PF4V1: variants seen among roughly 807,000 people sequenced by gnomAD.
PF4V1 encodes the protein platelet factor 4 variant.
PF4V1 carries 4 observed loss-of-function variants against 6.9 expected under a neutral mutation model. The ratio of observed to expected loss-of-function variants is 0.58; its 90% CI spans 0.29 to 1.34. The LOEUF (loss-of-function observed/expected upper bound fraction) is 1.34, where lower values mean the gene tolerates loss of function less well. Among genes scored for constraint, PF4V1 ranks in the 40% most tolerant of loss-of-function variants. PF4V1 has a pLI of 0.09. For missense variants in PF4V1, 127 were observed against 128.6 expected, an observed-to-expected ratio of 0.99 and a Z score of 0.06; for synonymous variants, 68 against 55.9, an observed-to-expected ratio of 1.22 and a Z score of -0.97.
Position 73,853,424 on chromosome 4 carries a change from C to G in PF4V1, c.62C>G (p.Ala21Gly), listed in dbSNP as rs768697609. Residue 21 changes from alanine to glycine, a missense_variant, in exon 1 of 3, where the codon GCG becomes GGG. Coordinates refer to ENST00000226524, the MANE Select transcript of PF4V1 (RefSeq NM_002620.4). ...ACCCGCCAGGAGATGCTGTTCTTGG[C>G]GTTGCTGCTCCTGCCAGTTGTGGTC... The part of the protein sequence containing the change: ...RATRQEMLFL[A>G]LLLLPVVVAF... 4 of 1,614,108 alleles carry G rather than the reference C, an allele frequency of 2.5e-6. No individual in the cohort carries two copies. The highest frequency in any genetic ancestry group is 3.4e-6 in the Non-Finnish European group (4 of 1,179,988).
chr4:73,854,117 A>G lies in PF4V1; in HGVS notation c.310A>G (p.Ser104Gly). The change falls in exon 3 of 3, where the codon AGT becomes GGT. Residue 104 changes from serine (S) to glycine (G), a missense_variant. Physicochemically the swap from Ser to Gly is moderately conservative, Grantham distance 56 (BLOSUM62 0). Transcript: ENST00000226524. ...GAAAATCATTAAGGAACATTTGGAG[A>G]GTTAGCTACTAGCTGCCTAAGTGTG... ...YKKIIKEHLE[S>G] 6.2e-7 allele frequency: 1 copy of G among 1,611,884 alleles called. No individual in the cohort carries two copies. The highest frequency in any genetic ancestry group is 8.5e-7 in the Non-Finnish European group (1 of 1,177,914).
rs1387113960 is a variant in PF4V1, at chr4:73,853,348, A to ATCC, written c.-15_-14insTCC. 4 of 1,610,846 alleles carry ATCC rather than the reference A, an allele frequency of 2.5e-6. No homozygotes were observed. The African/African-American group carries it at 5.3e-5, about 22-fold the overall frequency. ...TCCCTGCGCACTGGGATCCTGCTGG[A>ATCC]ACCTCAGCTGCAACATGAGCTCCGC... On this transcript the variant is annotated 5_prime_UTR_variant, in exon 1 of 3. Transcript: ENST00000226524.
At position 73,854,287 on chromosome 4, in the gene PF4V1, A is replaced by G. The variant is rs1731495396; in HGVS notation, c.*165A>G. On this transcript the variant is annotated 3_prime_UTR_variant, in exon 3 of 3. Coordinates refer to ENST00000226524, the MANE Select transcript of PF4V1 (RefSeq NM_002620.4). The stretch of plus-strand genomic sequence containing the variant: ...TAATGCTGACACATCACAATTTCAT[A>G]TTTTAAAATTTCCAGAATTTTAAGC... The G allele has an allele frequency of 1.7e-6, 1 of 591,802 alleles. No individual in the cohort carries two copies. Among genetic ancestry groups the G allele is most frequent in the Admixed American group, 3.1e-5 (1 of 32,074 alleles). 36.7% of individuals were successfully genotyped at this position (591,802 alleles called of 1,614,324 possible).
chr4:73,853,863 C>G lies in PF4V1; in HGVS notation c.181C>G (p.Leu61Val). ...GGTCCGTCCCAGGCACATCACCAGC[C>G]TGGAGGTGATCAAGGCCGGACCCCA... The part of the protein sequence containing the change: ...SQVRPRHITS[L>V]EVIKAGPHCP... The change falls in exon 2 of 3, where the codon CTG becomes GTG. Residue 61 changes from leucine (L) to valine (V), a missense_variant. By Grantham distance (32) the Leu-to-Val change is conservative (BLOSUM62 1). Coordinates refer to ENST00000226524, the MANE Select transcript of PF4V1 (RefSeq NM_002620.4). The G allele has an allele frequency of 6.2e-7, 1 of 1,613,088 alleles. No individual in the cohort carries two copies. Among genetic ancestry groups the G allele is most frequent in the Non-Finnish European group, 8.5e-7 (1 of 1,179,794 alleles).
intron 2 of PF4V1, 55 bp from the exon 3 acceptor site, chr4:73,853,980 T>G: frequency 1.2e-6 from 2 of 1,610,576 alleles, no homozygotes; most frequent in Non-Finnish European, 1.7e-6. Flanking sequence ...CCCCTTCTAA[T>G]GCCATTTGCA....
At position 73,853,329 on chromosome 4, in the gene PF4V1, C is replaced by G. The variant is rs1731464988; in HGVS notation, c.-34C>G. 1 of 1,571,878 alleles carries G rather than the reference C, an allele frequency of 6.4e-7. No individual in the cohort carries two copies. On this transcript the variant is annotated 5_prime_UTR_variant, in exon 1 of 3. Coordinates refer to ENST00000226524, the MANE Select transcript of PF4V1 (RefSeq NM_002620.4). Reference sequence around the variant, plus strand: ...CAGAACCCCAGCCCGACTTTCCCTGCGCACTGGGATCCTGCTGGAACCTCA... The same window carrying G: ...CAGAACCCCAGCCCGACTTTCCCTGGGCACTGGGATCCTGCTGGAACCTCA...
rs921666252 is a variant in PF4V1 at position 73,854,130 on chromosome 4, C to T, written c.*8C>T. 1 of 1,598,050 alleles carries T rather than the reference C, an allele frequency of 6.3e-7. No individual in the cohort carries two copies. Among genetic ancestry groups the T allele is most frequent in the African/African-American group, 1.3e-5 (1 of 74,594 alleles). ...GAACATTTGGAGAGTTAGCTACTAG[C>T]TGCCTAAGTGTGCACTTTCAATCTA... On this transcript the variant is annotated 3_prime_UTR_variant, in exon 3 of 3. Coordinates refer to ENST00000226524, the MANE Select transcript of PF4V1 (RefSeq NM_002620.4).
intron 1 of PF4V1, 139 bp from the exon 2 acceptor site, chr4:73,853,644 T>G: frequency 7.5e-7 from 1 of 1,328,666 alleles, no homozygotes; most frequent in Non-Finnish European, 1.0e-6. Context: ...GCACAACCTC[T>G]GTCTGAGAGA....
intron 2 of PF4V1, 22 bp downstream of exon 2, chr4:73,853,931 G>A (rs1259011842): frequency 6.2e-7 from 1 of 1,601,268 alleles, no homozygotes; most frequent in Non-Finnish European, 8.5e-7. Flanking sequence ...CACTGCATCA[G>A]TTAGTGCTCC....
rs769247050 is a variant in PF4V1 at position 73,853,404 on chromosome 4, C to T, written c.42C>T (p.Arg14=). 3.1e-6 allele frequency: 5 copies of T among 1,614,172 alleles called. No homozygotes were observed. The highest frequency in any genetic ancestry group is 1.7e-4 in the Middle Eastern group (1 of 6,052). Residue 14 remains arginine, a synonymous_variant, in exon 1 of 3, where the codon CGC becomes CGT. Coordinates refer to ENST00000226524, the MANE Select transcript of PF4V1 (RefSeq NM_002620.4). ...GGTCCCGCCTCACCCGCGCCACCCG[C>T]CAGGAGATGCTGTTCTTGGCGTTGC... The part of the protein sequence containing the change: ...AARSRLTRAT[R]QEMLFLALLL...
Position 73,854,130 on chromosome 4 carries a change from C to CTGCCT in PF4V1, c.*9_*13dup. 1 of 1,598,168 alleles carries CTGCCT rather than the reference C, an allele frequency of 6.3e-7. No individual in the cohort carries two copies. The highest frequency in any genetic ancestry group is 1.3e-5 in the African/African-American group (1 of 74,716). ...GAACATTTGGAGAGTTAGCTACTAG[C>CTGCCT]TGCCTAAGTGTGCACTTTCAATCTA... On this transcript the variant is annotated 3_prime_UTR_variant, in exon 3 of 3. Coordinates refer to ENST00000226524, the MANE Select transcript of PF4V1 (RefSeq NM_002620.4).
At position 73,853,332 on chromosome 4, in the gene PF4V1, ACT is replaced by A; in HGVS notation, c.-30_-29del. 6.3e-7 allele frequency: 1 copy of A among 1,581,916 alleles called. No individual in the cohort carries two copies. Among genetic ancestry groups the A allele is most frequent in the Non-Finnish European group, 8.7e-7 (1 of 1,150,840 alleles). ...AACCCCAGCCCGACTTTCCCTGCGC[ACT>A]GGGATCCTGCTGGAACCTCAGCTGC... is the stretch of plus-strand genomic sequence containing the variant. On this transcript the variant is annotated 5_prime_UTR_variant, in exon 1 of 3. Transcript: ENST00000226524.
chr4:73,853,452 C>T lies in PF4V1; in HGVS notation c.90C>T (p.Ala30=), dbSNP rs1305700870. The stretch of plus-strand genomic sequence containing the variant: ...TGCTGCTCCTGCCAGTTGTGGTCGC[C>T]TTCGCCAGAGGTGAGAGCAGAAACC... ...LALLLLPVVV[A]FARAEAEEDG... is the part of the protein sequence containing the mutation. The change falls in exon 1 of 3, where the codon GCC becomes GCT. Residue 30 remains alanine (A), a synonymous_variant. Coordinates refer to ENST00000226524, the MANE Select transcript of PF4V1 (RefSeq NM_002620.4). 1.9e-6 allele frequency: 3 copies of T among 1,613,054 alleles called. No individual in the cohort carries two copies. Among genetic ancestry groups the T allele is most frequent in the East Asian group, 2.2e-5 (1 of 44,838 alleles).
At position 73,853,425 on chromosome 4, in the gene PF4V1, G is replaced by T. The variant is rs996437610; in HGVS notation, c.63G>T (p.Ala21=). The change falls in exon 1 of 3, where the codon GCG becomes GCT. Residue 21 remains alanine (A), a synonymous_variant. Transcript: ENST00000226524. The part of the protein sequence containing the change: ...RATRQEMLFL[A]LLLLPVVVAF... ...CCCGCCAGGAGATGCTGTTCTTGGC[G>T]TTGCTGCTCCTGCCAGTTGTGGTCG... The T allele has an allele frequency of 1.2e-6, 2 of 1,614,148 alleles. No homozygotes were observed. Among genetic ancestry groups the T allele is most frequent in the Non-Finnish European group, 1.7e-6 (2 of 1,180,014 alleles).
Position 73,854,239 on chromosome 4 carries a change from A to C in PF4V1, c.*117A>C. 1 of 693,486 alleles carries C rather than the reference A, an allele frequency of 1.4e-6. No individual in the cohort carries two copies. Among genetic ancestry groups the C allele is most frequent in the Non-Finnish European group, 2.4e-6 (1 of 424,288 alleles). 43.0% of individuals were successfully genotyped at this position (693,486 alleles called of 1,614,324 possible). A position where few individuals can be genotyped will look rare whatever the true frequency, so the allele number is the denominator to read the frequency against. ...AATCAAGTTGTGGTATAGTCAATCT[A>C]TTTCTTAATAATACTGCAAAAATAA... On this transcript the variant is annotated 3_prime_UTR_variant, in exon 3 of 3. Transcript: ENST00000226524.
rs145723340 is a variant in PF4V1, at chr4:73,853,372, G to A, written c.10G>A (p.Ala4Thr). 2.5e-6 allele frequency: 4 copies of A among 1,613,724 alleles called. No individual in the cohort carries two copies. In the East Asian group the frequency reaches 6.7e-5, roughly 27 times the overall value. The change falls in exon 1 of 3, where the codon GCA (alanine) becomes ACA (threonine). Residue 4 changes from alanine (A) to threonine (T), a missense_variant. Ala to Thr is a moderately conservative substitution (Grantham distance 58). Coordinates refer to ENST00000226524, the MANE Select transcript of PF4V1 (RefSeq NM_002620.4). ...GAACCTCAGCTGCAACATGAGCTCCGCAGCCAGGTCCCGCCTCACCCGCGC... is the reference window on the plus strand; with the variant it reads ...GAACCTCAGCTGCAACATGAGCTCCACAGCCAGGTCCCGCCTCACCCGCGC... MSS[A>T]ARSRLTRATR...
Position 73,854,086 on chromosome 4 carries a change from G to T in PF4V1, c.279G>T (p.Leu93=), listed in dbSNP as rs965053406. 2.5e-6 allele frequency: 4 copies of T among 1,614,140 alleles called. No individual in the cohort carries two copies. The Admixed American group carries it at 6.7e-5, about 27-fold the overall frequency. ...TTTGCTTGGATCTGCAAGCCCTGCTGTACAAGAAAATCATTAAGGAACATT... is the reference window on the plus strand; with the variant it reads ...TTTGCTTGGATCTGCAAGCCCTGCTTTACAAGAAAATCATTAAGGAACATT... ...RKICLDLQAL[L]YKKIIKEHLE... Residue 93 remains leucine, a synonymous_variant, in exon 3 of 3, where the codon CTG becomes CTT. Transcript: ENST00000226524.
chr4:73,853,858 C>T lies in PF4V1; in HGVS notation c.176C>T (p.Thr59Ile). 6.2e-7 allele frequency: 1 copy of T among 1,613,236 alleles called. No individual in the cohort carries two copies. The highest frequency in any genetic ancestry group is 2.2e-5 in the East Asian group (1 of 44,856). Residue 59 changes from threonine (T) to isoleucine (I), a missense_variant, in exon 2 of 3, where the codon ACC becomes ATC. By Grantham distance (89) the Thr-to-Ile change is moderately conservative (BLOSUM62 -1). Coordinates refer to ENST00000226524, the MANE Select transcript of PF4V1 (RefSeq NM_002620.4). ...TTSQVRPRHI[T>I]SLEVIKAGPH... ...TCCCAGGTCCGTCCCAGGCACATCACCAGCCTGGAGGTGATCAAGGCCGGA... is the reference window on the plus strand; with the variant it reads ...TCCCAGGTCCGTCCCAGGCACATCATCAGCCTGGAGGTGATCAAGGCCGGA...
rs1288352589 is a variant in PF4V1, at chr4:73,853,373, C to T, written c.11C>T (p.Ala4Val). ...AACCTCAGCTGCAACATGAGCTCCG[C>T]AGCCAGGTCCCGCCTCACCCGCGCC... Reference protein sequence around the residue: MSSAARSRLTRATR... With the variant: MSSVARSRLTRATR... Residue 4 changes from alanine to valine, a missense_variant, in exon 1 of 3, where the codon GCA becomes GTA. Ala to Val is a moderately conservative substitution (Grantham distance 64, BLOSUM62 0). Coordinates refer to ENST00000226524, the MANE Select transcript of PF4V1 (RefSeq NM_002620.4). The T allele has an allele frequency of 6.2e-7, 1 of 1,613,950 alleles. No homozygotes were observed. Among genetic ancestry groups the T allele is most frequent in the Admixed American group, 1.7e-5 (1 of 60,032 alleles).
Sources: gnomAD v4.1 joint callset for allele counts on GRCh38, gnomAD v4.1.1 for gene constraint, MANE v1.5 for transcripts, NCBI Gene and HGNC (gene_info 2026-07-23, HGNC 2026-07-21) for gene names.